Variants in SLC8A1 observed in about 807,000 individuals in gnomAD.
SLC8A1 encodes the protein sodium/calcium exchanger 1.
In SLC8A1, 18 loss-of-function variants were observed where a neutral mutation model predicts 68.3. The observed-to-expected ratio is 0.26, with a 90% CI of 0.18 to 0.39. The LOEUF (loss-of-function observed/expected upper bound fraction) is 0.39. Ranked by LOEUF, SLC8A1 falls within the 10% of genes least tolerant of loss-of-function variation. The pLI, the probability that SLC8A1 is intolerant of heterozygous loss-of-function variation, is 1.00. For synonymous variants in SLC8A1, 475 were observed against 415.5 expected, an observed-to-expected ratio of 1.14 and a Z score of -1.74; for missense variants, 985 against 1,156.7, an observed-to-expected ratio of 0.85 and a Z score of 2.15.
intron 1 of SLC8A1, among the ~76,000 whole-genome samples, chr2:40,479,106 T>C (rs1476723323): frequency 6.6e-6 from 1 of 152,200 alleles, no homozygotes; most frequent in East Asian, 1.9e-4. Context: ...GGAGAACGTA[T>C]AAATTTCACC....
At chr2:40,463,345 C>T (rs867025571) in intron 1 of SLC8A1, among the ~76,000 whole-genome samples, 6 of 152,112 alleles carry the variant, frequency 3.9e-5, no homozygotes, top group African/African-American at 1.2e-4. Flanking sequence ...GGGGTGTCAG[C>T]GGCGGCTGCA....
chr2:40,268,862 T>A (rs1267822874), intron 2 of SLC8A1, among the ~76,000 whole-genome samples: 1 of 152,064 alleles, frequency 6.6e-6, no homozygotes, highest in African/African-American at 2.4e-5. Flanking sequence ...AAGGACAAAG[T>A]GTGGAATAAA....
At chr2:40,511,897 T>G (rs1025902980) in intron 1 of SLC8A1, among the ~76,000 whole-genome samples, 4 of 152,134 alleles carry the variant, frequency 2.6e-5, no homozygotes, top group Non-Finnish European at 5.9e-5. Flanking sequence ...AAGCAGCTCT[T>G]CCTATGTCTA....
At chr2:40,343,520 C>T (rs551220307) in intron 2 of SLC8A1, among the ~76,000 whole-genome samples, 1 of 152,306 alleles carries the variant, frequency 6.6e-6, no homozygotes, top group East Asian at 1.9e-4. Context: ...CTTAAAAGTG[C>T]CAACCTATTG....
chr2:40,251,580 T>C (rs1031278141), intron 2 of SLC8A1: 1 of 152,208 alleles, frequency 6.6e-6, no homozygotes, highest in Non-Finnish European at 1.5e-5. Flanking sequence ...ATGATTATTT[T>C]ATTAATAATA....
At chr2:40,110,642 T>C (rs2034500772) in exon 8 of SLC8A1, 1 of 152,266 alleles carries the variant, frequency 6.6e-6, no homozygotes, top group Non-Finnish European at 1.5e-5. Flanking sequence ...TGAGATCCAA[T>C]ATTACATGCT....
intron 2 of SLC8A1, among the ~76,000 whole-genome samples, chr2:40,293,020 C>T (rs1274285525): frequency 1.3e-5 from 2 of 152,134 alleles, no homozygotes; most frequent in South Asian, 2.1e-4. Context: ...TTTCAGAGGC[C>T]TTCTTTCCCT....
intron 1 of SLC8A1, among the ~76,000 whole-genome samples, chr2:40,462,000 C>CATTTTTTTTTTTTT (rs1559747517): frequency 1.7e-5 from 1 of 60,180 alleles, no homozygotes; most frequent in Non-Finnish European, 3.0e-5. Context: ...GTAAAATCCT[C>CATTTTTTTTTTTTT]CTTTTTTTTT....
intron 2 of SLC8A1, among the ~76,000 whole-genome samples, chr2:40,301,680 G>A (rs1033291127): frequency 3.9e-5 from 6 of 152,182 alleles, no homozygotes; most frequent in Non-Finnish European, 7.4e-5. Flanking sequence ...ACATTGGGAG[G>A]CTAAGGCAGG....
chr2:40,386,613 T>C (rs1435916540), intron 2 of SLC8A1, among the ~76,000 whole-genome samples: 1 of 129,402 alleles, frequency 7.7e-6, no homozygotes, highest in East Asian at 2.1e-4. Context: ...TTGATGAAAT[T>C]TAAAAATCAA....
At chr2:40,196,411 G>A (rs917925786) in intron 2 of SLC8A1, among the ~76,000 whole-genome samples, 8 of 151,988 alleles carry the variant, frequency 5.3e-5, no homozygotes, top group Non-Finnish European at 1.2e-4. Flanking sequence ...CTCTGACCTT[G>A]TGAGGTCCTC....
intron 2 of SLC8A1, among the ~76,000 whole-genome samples, chr2:40,330,187 C>A (rs1462207263): frequency 1.3e-5 from 2 of 152,120 alleles, no homozygotes; most frequent in Non-Finnish European, 2.9e-5. Context: ...AACTTCTGAT[C>A]ATTAGAAGGT....
At position 40,139,385 on chromosome 2, in the gene SLC8A1, T is replaced by C; in HGVS notation, c.2437+16A>G. 2 of 1,613,224 alleles carry C rather than the reference T, an allele frequency of 1.2e-6. No homozygotes were observed. The highest frequency in any genetic ancestry group is 1.7e-6 in the Non-Finnish European group (2 of 1,179,332). On this transcript the variant is annotated intron_variant, in intron 7 of 7. Transcript: ENST00000406785. ...CTTCTGCTACTGGGGGAATTATACA[T>C]GAATGTAATTTGTACCTGGCACTGA...
chr2:40,390,794 G>C (rs1685013960), intron 2 of SLC8A1, among the ~76,000 whole-genome samples: 1 of 152,026 alleles, frequency 6.6e-6, no homozygotes, highest in South Asian at 2.1e-4. Context: ...GAACACTTTT[G>C]TCCAATCACT....
chr2:40,265,296 A>G lies in SLC8A1; in HGVS notation c.1809-87441T>C, dbSNP rs573928724. ...TCTAACTTTCCAAAGATGAGAAACT[A>G]TTAAGATCTAGCATTCAAACTCAGG... On this transcript the variant is annotated intron_variant, in intron 2 of 7. Coordinates refer to ENST00000406785, the Ensembl canonical transcript of SLC8A1. 1.6e-3 allele frequency among the ~76,000 whole-genome samples: 247 copies of G among 152,316 alleles called. 1 individual carries two copies. The highest frequency in any genetic ancestry group is 5.6e-3 in the African/African-American group (233 of 41,576).
chr2:40,237,065 A>G (rs2060492465), intron 2 of SLC8A1, among the ~76,000 whole-genome samples: 1 of 151,710 alleles, frequency 6.6e-6, no homozygotes. Context: ...ACTTTGGTGA[A>G]TCTGACAATT....
At chr2:40,100,433 G>A (rs760928754) in exon 8 of SLC8A1, 1 of 152,118 alleles carries the variant, frequency 6.6e-6, no homozygotes, top group Non-Finnish European at 1.5e-5. Flanking sequence ...AGTTGGGAAT[G>A]AGGTCAAGGC....
chr2:40,154,741 T>C (rs1361094423), intron 6 of SLC8A1, among the ~76,000 whole-genome samples: 1 of 152,130 alleles, frequency 6.6e-6, no homozygotes, highest in Non-Finnish European at 1.5e-5. Context: ...CACAGCTCAC[T>C]GCAGCCTTGA....
chr2:40,261,740 A>C (rs561566851), intron 2 of SLC8A1, among the ~76,000 whole-genome samples: 226 of 870 alleles, frequency 0.26, no homozygotes, highest in Non-Finnish European at 0.24. Context: ...GTACTGCGTA[A>C]GTGCCACAGT....
Sources: gnomAD v4.1 joint callset for allele counts (sites outside exome capture counted in the v4.1 genomes callset) on GRCh38, gnomAD v4.1.1 for gene constraint, MANE v1.5 for transcripts, NCBI Gene and HGNC (gene_info 2026-07-23, HGNC 2026-07-21) for gene names.